Variants in RHAG observed in about 807,000 individuals in gnomAD.
The protein encoded by RHAG is ammonium transporter Rh type A.
Under a neutral mutation model 42.4 loss-of-function variants are expected in RHAG, and 25 were observed. The observed-to-expected ratio is 0.59, with a 90% CI of 0.43 to 0.82. The LOEUF is 0.82. RHAG is among the 40% of genes least tolerant of loss of function. The pLI, the probability that RHAG is intolerant of heterozygous loss-of-function variation, is 0.00. For missense variants in RHAG, 483 were observed against 504.6 expected, an observed-to-expected ratio of 0.96 and a Z score of 0.41; for synonymous variants, 182 against 177.7, an observed-to-expected ratio of 1.02 and a Z score of -0.19.
At position 49,615,631 on chromosome 6, in the gene RHAG, T is replaced by G. The variant is rs775717867; in HGVS notation, c.633A>C (p.Ala211=). 6.2e-7 allele frequency: 1 copy of G among 1,614,080 alleles called. No homozygotes were observed. Among genetic ancestry groups the G allele is most frequent in the Admixed American group, 1.7e-5 (1 of 60,018 alleles). Reference sequence around the variant, plus strand: ...AAGTTTATCCACACTCACCAATCATTGCAAACAAGTCTGAGTAGTATGCGG... The same window carrying G: ...AAGTTTATCCACACTCACCAATCATGGCAAACAAGTCTGAGTAGTATGCGG... The part of the protein sequence containing the change: ...EESAYYSDLF[A]MIGTLFLWMF... Residue 211 remains alanine, a synonymous_variant, in exon 4 of 10, where the codon GCA becomes GCC. Coordinates refer to ENST00000371175, the MANE Select transcript of RHAG (RefSeq NM_000324.3).
At chr6:49,605,913 T>G (rs763669780) in intron 9 of RHAG, 83 bp from the exon 10 acceptor site, 1 of 1,130,674 alleles carries the variant, frequency 8.8e-7, no homozygotes, top group African/African-American at 1.5e-5. Context: ...AAAATATTTT[T>G]GGTAATTATT....
At chr6:49,618,625 A>G (rs1762697162) in intron 2 of RHAG, among the ~76,000 whole-genome samples, 1 of 152,188 alleles carries the variant, frequency 6.6e-6, no homozygotes, top group South Asian at 2.1e-4. Context: ...CAAACCAGAG[A>G]GGTTACAGAC....
chr6:49,615,497 G>A, intron 4 of RHAG, 127 bp downstream of exon 4: 1 of 1,071,802 alleles, frequency 9.3e-7, no homozygotes, highest in South Asian at 1.3e-5. Context: ...AGTAGCTGAG[G>A]ATACAGTCGT....
chr6:49,636,726 G>C lies in RHAG; in HGVS notation c.87C>G (p.Asp29Glu). The change falls in exon 1 of 10, where the codon GAC (aspartate) becomes GAG (glutamate). Residue 29 changes from aspartate to glutamate, a missense_variant. By Grantham distance (45) the Asp-to-Glu change is conservative (BLOSUM62 2). Transcript: ENST00000371175. ...TGTTGAGCTGCTCGAGAACAGTCTG[G>C]TCCGTTTCATACTCAACAAATAATC... ...LFGLFVEYETDQTVLEQLNIT... is the reference protein window; with the variant it reads ...LFGLFVEYETEQTVLEQLNIT... 6.2e-7 allele frequency: 1 copy of C among 1,613,958 alleles called. No homozygotes were observed. The highest frequency in any genetic ancestry group is 8.5e-7 in the Non-Finnish European group (1 of 1,179,872).
chr6:49,631,740 G>C (rs1762939616), intron 1 of RHAG, among the ~76,000 whole-genome samples: 1 of 152,172 alleles, frequency 6.6e-6, no homozygotes, highest in Non-Finnish European at 1.5e-5. Flanking sequence ...CTTTTAAGTA[G>C]GCAAAACTGT....
chr6:49,614,349 C>A (rs928461147), intron 5 of RHAG, among the ~76,000 whole-genome samples: 9 of 150,494 alleles, frequency 6.0e-5, no homozygotes, highest in Admixed American at 5.9e-4. Flanking sequence ...TCTGCCTCCA[C>A]GCCTGGCTAA....
chr6:49,614,801 T>C lies in RHAG; in HGVS notation c.693A>G (p.Glu231=). ...FWPSFNSAIA[E]PGDKQCRAIV... ...TGGCCCTGCACTGTTTGTCTCCAGG[T>C]TCAGCAATGGCCGAGTTAAAGCTGG... The change falls in exon 5 of 10, where the codon GAA becomes GAG. Residue 231 remains glutamate (E), a synonymous_variant. Coordinates refer to ENST00000371175, the MANE Select transcript of RHAG (RefSeq NM_000324.3). 1 of 1,614,184 alleles carries C rather than the reference T, an allele frequency of 6.2e-7. No homozygotes were observed.
intron 3 of RHAG, among the ~76,000 whole-genome samples, chr6:49,617,211 A>G (rs1282266025): frequency 6.6e-6 from 1 of 152,270 alleles, no homozygotes; most frequent in Non-Finnish European, 1.5e-5. Flanking sequence ...TCTCCCCATT[A>G]GTTACTGGAA....
intron 1 of RHAG, among the ~76,000 whole-genome samples, chr6:49,628,377 C>A (rs1762875725): frequency 6.6e-6 from 1 of 152,100 alleles, no homozygotes; most frequent in Non-Finnish European, 1.5e-5. Flanking sequence ...ACTCCTGGGC[C>A]CAAGTGATCT....
intron 7 of RHAG, among the ~76,000 whole-genome samples, chr6:49,610,626 T>C (rs1762556665): frequency 6.6e-6 from 1 of 152,164 alleles, no homozygotes. Context: ...GCTTTCTGTA[T>C]TATTCCAACT....
chr6:49,620,318 CAT>C (rs3837034), intron 1 of RHAG, among the ~76,000 whole-genome samples: 9 of 152,296 alleles, frequency 5.9e-5, no homozygotes, highest in East Asian at 3.9e-4. Flanking sequence ...GCCAATAAAA[CAT>C]ATGATCAAAT....
At position 49,629,498 on chromosome 6, in the gene RHAG, G is replaced by A. The variant is rs1032982363; in HGVS notation, c.157+7158C>T. 5.3e-5 allele frequency among the ~76,000 whole-genome samples: 8 copies of A among 152,322 alleles called. No individual in the cohort carries two copies. The South Asian group carries it at 8.3e-4, about 16-fold the overall frequency. Reference sequence around the variant, plus strand: ...CAGCCGGCTTCACCCAGTGGATCCCGCACCAGGCATGCAGGTGGAGCTGCC... The same window carrying A: ...CAGCCGGCTTCACCCAGTGGATCCCACACCAGGCATGCAGGTGGAGCTGCC... On this transcript the variant is annotated intron_variant, in intron 1 of 9. Coordinates refer to ENST00000371175, the MANE Select transcript of RHAG (RefSeq NM_000324.3).
intron 1 of RHAG, among the ~76,000 whole-genome samples, chr6:49,630,062 G>C (rs936948704): frequency 6.6e-6 from 1 of 152,222 alleles, no homozygotes; most frequent in African/African-American, 2.4e-5. Context: ...CAGAGGAGGC[G>C]CCGAGAGCGA....
intron 1 of RHAG, 43 bp downstream of exon 1, chr6:49,636,613 A>G (rs1335243313): frequency 1.2e-6 from 2 of 1,605,522 alleles, no homozygotes; most frequent in Admixed American, 1.7e-5. Context: ...TGAGAAACCG[A>G]AGAACCGAAA....
At chr6:49,610,078 G>C (rs969305178) in intron 7 of RHAG, among the ~76,000 whole-genome samples, 4 of 150,936 alleles carry the variant, frequency 2.7e-5, no homozygotes, top group African/African-American at 9.8e-5. Context: ...GGGGGGTGGG[G>C]TACAAGGGGA....
chr6:49,607,471 C>T lies in RHAG; in HGVS notation c.1068-251G>A, dbSNP rs59735011. On this transcript the variant is annotated intron_variant, in intron 7 of 9. Transcript: ENST00000371175. ...TTTCATGTAAACTTTGGAAATAAGA[C>T]TTTCCTTAGGGAGGGTTTAGCACTC... Among the ~76,000 whole-genome samples, 776 of 152,280 alleles carry T rather than the reference C, an allele frequency of 5.1e-3. 8 individuals carry two copies. The highest frequency in any genetic ancestry group is 0.015 in the African/African-American group (620 of 41,564).
At chr6:49,614,878 A>G (rs1762628396) in intron 4 of RHAG, 25 bp from the exon 5 acceptor site, 4 of 1,609,356 alleles carry the variant, frequency 2.5e-6, no homozygotes, top group Non-Finnish European at 3.4e-6. Context: ...AAGAGGGGAT[A>G]TTAGTTCTGA....
chr6:49,605,340 A>G lies in RHAG; in HGVS notation c.*473T>C, dbSNP rs1006499867. On this transcript the variant is annotated 3_prime_UTR_variant, in exon 10 of 10. Transcript: ENST00000371175. ...CTAGACTATTTTTAAAATAAAAAGC[A>G]CTACCTAAAATCATCATATTACTAC... 1 of 170,130 alleles carries G rather than the reference A, an allele frequency of 5.9e-6. No individual in the cohort carries two copies. Among genetic ancestry groups the G allele is most frequent in the African/African-American group, 2.4e-5 (1 of 41,774 alleles). The allele number at this position is 170,130 out of a possible 1,614,324, so 10.5% of individuals were successfully genotyped here. A position where few individuals can be genotyped will look rare whatever the true frequency, so the allele number is the denominator to read the frequency against.
intron 1 of RHAG, among the ~76,000 whole-genome samples, chr6:49,621,127 G>A (rs1256621201): frequency 6.6e-6 from 1 of 152,094 alleles, no homozygotes; most frequent in Non-Finnish European, 1.5e-5. Context: ...CAGGCTCAGG[G>A]GCTAGTGTGT....
Sources: gnomAD v4.1 joint callset for allele counts (sites outside exome capture counted in the v4.1 genomes callset) on GRCh38, gnomAD v4.1.1 for gene constraint, MANE v1.5 for transcripts, NCBI Gene and HGNC (gene_info 2026-07-23, HGNC 2026-07-21) for gene names.